Variants in CAST observed in about 807,000 individuals in gnomAD.
CAST encodes the protein calpastatin.
Under a neutral mutation model 119.6 loss-of-function variants are expected in CAST, and 76 were observed. The observed-to-expected ratio is 0.64, with a 90% CI of 0.53 to 0.77. The LOEUF (loss-of-function observed/expected upper bound fraction) is 0.77, where lower values mean the gene tolerates loss of function less well. CAST is among the 30% of genes least tolerant of loss of function. CAST has a pLI of 0.00. For synonymous variants in CAST, 319 were observed against 331.6 expected (o/e 0.96, Z 0.41); for missense variants, 953 against 946.5 (o/e 1.01, Z -0.09).
intron 17 of CAST, 88 bp downstream of exon 17, chr5:96,746,513 C>A: frequency 1.2e-6 from 1 of 820,900 alleles, no homozygotes; most frequent in Non-Finnish European, 2.2e-6. Context: ...TGTCAAAGGA[C>A]ATGTCTGTCC....
chr5:96,247,766 T>C, the CAST span: 4 of 152,346 alleles, frequency 2.6e-5, no homozygotes, highest in African/African-American at 7.2e-5. Flanking sequence ...AAGCCTTTTC[T>C]GTGTGCTGAT....
At chr5:96,623,161 G>A (rs1215315849) in intron 1 of CAST, among the ~76,000 whole-genome samples, 1 of 152,066 alleles carries the variant, frequency 6.6e-6, no homozygotes, top group Non-Finnish European at 1.5e-5. Flanking sequence ...ACTGCACCCA[G>A]CCTACCTCAA....
intron 1 of CAST, among the ~76,000 whole-genome samples, chr5:96,583,340 G>A (rs1448985321): frequency 6.6e-6 from 1 of 151,910 alleles, no homozygotes; most frequent in Non-Finnish European, 1.5e-5. Context: ...TTCAAAGGAG[G>A]GGGCTCTTCT....
the CAST span, among the ~76,000 whole-genome samples, chr5:96,229,522 G>C: frequency 6.6e-6 from 1 of 152,078 alleles, no homozygotes; most frequent in Non-Finnish European, 1.5e-5. Flanking sequence ...TTAAACAGTG[G>C]TATCTTCCTG....
At chr5:96,275,459 T>C in the CAST span, among the ~76,000 whole-genome samples, 1 of 152,202 alleles carries the variant, frequency 6.6e-6, no homozygotes. Context: ...TGTTGGAATG[T>C]CATCCAGTTG....
At chr5:96,204,106 C>A in the CAST span, among the ~76,000 whole-genome samples, 94 of 151,990 alleles carry the variant, frequency 6.2e-4, 2 homozygotes, top group South Asian at 0.019. Context: ...TTAGTAAAAC[C>A]CAAATGTCCC....
intron 1 of CAST, among the ~76,000 whole-genome samples, chr5:96,581,092 A>T (rs747518470): frequency 2.6e-5 from 4 of 152,278 alleles, no homozygotes; most frequent in Non-Finnish European, 5.9e-5. Context: ...TACCCAGTTT[A>T]TAACATTTTT....
the CAST span, among the ~76,000 whole-genome samples, chr5:96,383,320 G>A: frequency 4.6e-5 from 7 of 152,216 alleles, no homozygotes; most frequent in Non-Finnish European, 7.4e-5. Context: ...CCGGAGGAAG[G>A]CTAGTGTGCT....
intron 3 of CAST, among the ~76,000 whole-genome samples, chr5:96,721,609 G>A (rs27991): frequency 0.17 from 25,330 of 152,184 alleles, 2,578 homozygotes; most frequent in East Asian, 0.34. Context: ...TTTACTGACA[G>A]TCAGTTACTT....
the CAST span, among the ~76,000 whole-genome samples, chr5:95,990,632 A>G: frequency 0.038 from 5,792 of 152,194 alleles, 181 homozygotes; most frequent in Admixed American, 0.076. Flanking sequence ...TATGCTTAAC[A>G]TTATAATGTC....
chr5:96,177,457 C>A, the CAST span, among the ~76,000 whole-genome samples: 3 of 152,266 alleles, frequency 2.0e-5, no homozygotes, highest in South Asian at 4.1e-4. Context: ...TAACTGACAG[C>A]ATGAATTACT....
At chr5:96,619,624 T>C (rs1403619739) in intron 1 of CAST, among the ~76,000 whole-genome samples, 3 of 152,206 alleles carry the variant, frequency 2.0e-5, no homozygotes, top group Non-Finnish European at 4.4e-5. Flanking sequence ...TAACGCTCAC[T>C]GCGAAGGTCT....
At chr5:96,262,396 C>T in the CAST span, among the ~76,000 whole-genome samples, 3 of 152,218 alleles carry the variant, frequency 2.0e-5, no homozygotes, top group African/African-American at 4.8e-5. Context: ...TCTGTCCTTA[C>T]TCTGTCCTTT....
At chr5:96,270,580 G>A in the CAST span, among the ~76,000 whole-genome samples, 26 of 152,180 alleles carry the variant, frequency 1.7e-4, no homozygotes, top group East Asian at 1.5e-3. Flanking sequence ...GTTGGAAGCC[G>A]TTATCCTCAG....
intron 2 of CAST, among the ~76,000 whole-genome samples, chr5:96,690,636 C>T (rs941271943): frequency 6.6e-6 from 1 of 152,320 alleles, no homozygotes; most frequent in African/African-American, 2.4e-5. Context: ...TTTGCACTTG[C>T]AGTAGCACAC....
chr5:96,131,581 A>G, the CAST span, among the ~76,000 whole-genome samples: 2 of 152,176 alleles, frequency 1.3e-5, no homozygotes, highest in Admixed American at 6.6e-5. Flanking sequence ...GCATTTCTGT[A>G]ACACAGTAAA....
chr5:96,266,658 A>C, the CAST span, among the ~76,000 whole-genome samples: 1 of 152,248 alleles, frequency 6.6e-6, no homozygotes, highest in Non-Finnish European at 1.5e-5. Context: ...AAAGATAATC[A>C]ACAGGTAAAT....
chr5:96,222,537 A>C, the CAST span, among the ~76,000 whole-genome samples: 1 of 152,174 alleles, frequency 6.6e-6, no homozygotes, highest in African/African-American at 2.4e-5. Flanking sequence ...GCATCAAGGA[A>C]ATGAAAATTA....
the CAST span, among the ~76,000 whole-genome samples, chr5:96,449,940 T>A: frequency 6.6e-6 from 1 of 152,232 alleles, no homozygotes; most frequent in Non-Finnish European, 1.5e-5. Context: ...TATGGAGCAC[T>A]TTTTAAAGTA....
Sources: gnomAD v4.1 joint callset for allele counts (sites outside exome capture counted in the v4.1 genomes callset) on GRCh38, gnomAD v4.1.1 for gene constraint, MANE v1.5 for transcripts, NCBI Gene and HGNC (gene_info 2026-07-23, HGNC 2026-07-21) for gene names.